GABRG3: variants seen among roughly 807,000 people sequenced by gnomAD.
GABRG3 encodes the protein gamma-aminobutyric acid type A receptor subunit gamma3.
Under a neutral mutation model 48.8 loss-of-function variants are expected in GABRG3, and 25 were observed. The observed-to-expected ratio is 0.51, with a 90% CI of 0.37 to 0.72. The LOEUF (loss-of-function observed/expected upper bound fraction) is 0.72, where lower values mean the gene tolerates loss of function less well. Ranked by LOEUF, GABRG3 falls within the 30% of genes least tolerant of loss-of-function variation. The pLI is 0.00. For missense variants in GABRG3, 394 were observed against 577.9 expected (o/e 0.68, Z 3.26); for synonymous variants, 227 against 217.6 (o/e 1.04, Z -0.38).
At position 27,373,874 on chromosome 15, in the gene GABRG3, GT is replaced by G. The variant is rs375329619; in HGVS notation, c.574+44994del. On this transcript the variant is annotated intron_variant, in intron 5 of 9. Transcript: ENST00000615808. Reference sequence around the variant, plus strand: ...CTGATCAGGTCAGCTGATGTTTTTTGTTTTTTTTCTCTGAAACACTATTACG... The same window carrying G: ...CTGATCAGGTCAGCTGATGTTTTTTGTTTTTTTCTCTGAAACACTATTACG... Among the ~76,000 whole-genome samples the G allele has an allele frequency of 7.1e-4, 108 of 151,540 alleles. 1 individual carries two copies. The East Asian group carries it at 0.019, about 27-fold the overall frequency.
intron 3 of GABRG3, among the ~76,000 whole-genome samples, chr15:27,217,220 C>T (rs1056418529): frequency 2.1e-4 from 32 of 152,140 alleles, no homozygotes; most frequent in African/African-American, 6.3e-4. Context: ...CACTTGCACA[C>T]GTATGTTTAT....
At chr15:27,183,249 G>T (rs73373492) in intron 3 of GABRG3, among the ~76,000 whole-genome samples, 1 of 152,004 alleles carries the variant, frequency 6.6e-6, no homozygotes, top group African/African-American at 2.4e-5. Flanking sequence ...ATATAAAAAA[G>T]CTATCTTACT....
intron 6 of GABRG3, among the ~76,000 whole-genome samples, chr15:27,495,610 A>G (rs1890467187): frequency 1.3e-5 from 2 of 152,346 alleles, no homozygotes; most frequent in East Asian, 3.9e-4. Context: ...TTCTGAGGAG[A>G]ACACAATTCA....
rs1368014719 is a variant in GABRG3, at chr15:27,540,038, C to G, written c.*7157C>G. On this transcript the variant is annotated 3_prime_UTR_variant, in exon 10 of 10. Transcript: ENST00000615808. ...ATTGATTCAACACAAAGGCTTAGAGCCTTTTCTGAACTATAACGAAATCAG... is the reference window on the plus strand; with the variant it reads ...ATTGATTCAACACAAAGGCTTAGAGGCTTTTCTGAACTATAACGAAATCAG... 2 of 152,156 alleles carry G rather than the reference C, an allele frequency of 1.3e-5. No individual in the cohort carries two copies. Among genetic ancestry groups the G allele is most frequent in the East Asian group, 3.9e-4 (2 of 5,194 alleles). 9.4% of individuals were successfully genotyped at this position (152,156 alleles called of 1,614,324 possible).
At chr15:27,409,418 A>G (rs539065714) in intron 5 of GABRG3, among the ~76,000 whole-genome samples, 130 of 152,204 alleles carry the variant, frequency 8.5e-4, no homozygotes, top group Non-Finnish European at 1.6e-3. Context: ...ATTTGAATCT[A>G]CTTATGGAGT....
At chr15:27,143,793 G>A (rs925844180) in intron 3 of GABRG3, among the ~76,000 whole-genome samples, 5 of 152,062 alleles carry the variant, frequency 3.3e-5, no homozygotes, top group Admixed American at 1.3e-4. Flanking sequence ...AACCAGCATT[G>A]GGTTCTTTTA....
intron 3 of GABRG3, among the ~76,000 whole-genome samples, chr15:27,128,508 C>T (rs1442437853): frequency 6.6e-6 from 1 of 152,190 alleles, no homozygotes; most frequent in African/African-American, 2.4e-5. Context: ...TGAGCTGCAG[C>T]CAGCATGGCT....
chr15:27,218,629 C>A (rs1889345565), intron 3 of GABRG3, among the ~76,000 whole-genome samples: 1 of 152,164 alleles, frequency 6.6e-6, no homozygotes, highest in Non-Finnish European at 1.5e-5. Context: ...TGGCTGGATG[C>A]CTCCTGTCCC....
At chr15:27,161,062 G>A (rs1299335552) in intron 3 of GABRG3, 2 of 152,110 alleles carry the variant, frequency 1.3e-5, no homozygotes, top group African/African-American at 4.8e-5. Context: ...GTTTCTCTGA[G>A]TCAGCCTCCA....
At chr15:27,510,636 T>C (rs924536522) in intron 6 of GABRG3, among the ~76,000 whole-genome samples, 12 of 152,212 alleles carry the variant, frequency 7.9e-5, no homozygotes, top group Non-Finnish European at 1.5e-4. Context: ...CAGATAGAAA[T>C]TTCTAGCTGA....
intron 3 of GABRG3, among the ~76,000 whole-genome samples, chr15:27,099,374 C>T (rs538296216): frequency 4.5e-4 from 69 of 152,166 alleles, no homozygotes; most frequent in Non-Finnish European, 9.0e-4. Flanking sequence ...TGGTGTCTTC[C>T]GAGGCCTCTC....
chr15:27,098,337 T>G (rs4887527), intron 3 of GABRG3, among the ~76,000 whole-genome samples: 73,798 of 151,852 alleles, frequency 0.49, 18,684 homozygotes, highest in African/African-American at 0.63. Context: ...GGGAGGCTGA[T>G]ACAGGAGAAT....
chr15:27,520,439 C>T (rs932522168), intron 7 of GABRG3, among the ~76,000 whole-genome samples: 1 of 151,458 alleles, frequency 6.6e-6, no homozygotes, highest in Non-Finnish European at 1.5e-5. Context: ...CAAAAGTCCC[C>T]ATACGTTAAT....
At chr15:27,468,601 A>G (rs1374480726) in intron 5 of GABRG3, among the ~76,000 whole-genome samples, 1 of 152,168 alleles carries the variant, frequency 6.6e-6, no homozygotes, top group African/African-American at 2.4e-5. Context: ...ATGTGAAACT[A>G]CTGCCTGGAT....
intron 3 of GABRG3, among the ~76,000 whole-genome samples, chr15:27,090,313 G>A (rs1316997931): frequency 1.3e-5 from 2 of 152,226 alleles, no homozygotes; most frequent in African/African-American, 4.8e-5. Flanking sequence ...TAGATTAGTT[G>A]TATTAAATGC....
At chr15:27,239,866 T>G (rs889996063) in intron 3 of GABRG3, among the ~76,000 whole-genome samples, 1 of 152,224 alleles carries the variant, frequency 6.6e-6, no homozygotes, top group Admixed American at 6.5e-5. Context: ...TTCACAGCAG[T>G]TATCTAAGAT....
At chr15:27,441,078 G>A (rs1196645810) in intron 5 of GABRG3, among the ~76,000 whole-genome samples, 2 of 152,162 alleles carry the variant, frequency 1.3e-5, no homozygotes, top group South Asian at 2.1e-4. Flanking sequence ...AAAAGATCAA[G>A]GGGTTGTTGT....
At chr15:27,129,638 TTTACA>T (rs1179093817) in intron 3 of GABRG3, among the ~76,000 whole-genome samples, 8 of 152,150 alleles carry the variant, frequency 5.3e-5, no homozygotes, top group African/African-American at 9.6e-5. Context: ...GCTATGCCAT[TTTACA>T]TTGTTACCAG....
rs1355469824 is a variant in GABRG3 at position 27,205,567 on chromosome 15, T to C, written c.271-121242T>C. Among the ~76,000 whole-genome samples the C allele has an allele frequency of 2.6e-5, 4 of 152,134 alleles. No individual in the cohort carries two copies. The East Asian group carries it at 7.7e-4, about 29-fold the overall frequency. ...CCTGGTTTTGGTATCAGAATGATGCTGACCTCATAGAATGAGTTAGGGAGG... is the reference window on the plus strand; with the variant it reads ...CCTGGTTTTGGTATCAGAATGATGCCGACCTCATAGAATGAGTTAGGGAGG... On this transcript the variant is annotated intron_variant, in intron 3 of 9. Transcript: ENST00000615808.
Sources: gnomAD v4.1 joint callset for allele counts (sites outside exome capture counted in the v4.1 genomes callset) on GRCh38, gnomAD v4.1.1 for gene constraint, MANE v1.5 for transcripts, NCBI Gene and HGNC (gene_info 2026-07-23, HGNC 2026-07-21) for gene names.